Variants in FARSB observed in about 807,000 individuals in gnomAD.
FARSB encodes phenylalanine--tRNA ligase beta subunit.
Under a neutral mutation model 69.6 loss-of-function variants are expected in FARSB, and 40 were observed. That is an observed-to-expected ratio of 0.57 (90% CI 0.45 to 0.75). The LOEUF (loss-of-function observed/expected upper bound fraction) is 0.75. Ranked by LOEUF, FARSB falls within the 30% of genes least tolerant of loss-of-function variation. The pLI, the probability that FARSB is intolerant of heterozygous loss-of-function variation, is 0.00. For synonymous variants in FARSB, 235 were observed against 247.2 expected, an observed-to-expected ratio of 0.95 and a Z score of 0.46; for missense variants, 632 against 722.9, an observed-to-expected ratio of 0.87 and a Z score of 1.44.
rs1691805879 is a variant in FARSB, at chr2:222,644,780, TAAC to T, written c.115-1778_115-1776del. On this transcript the variant is annotated intron_variant, in intron 2 of 16. Coordinates refer to ENST00000281828, the MANE Select transcript of FARSB (RefSeq NM_005687.5). ...TTATAAATTAGGCACAGTAAGAGAT[TAAC>T]AACTAATAATAAAATAGAACAATTA... Among the ~76,000 whole-genome samples, 5 of 152,208 alleles carry T rather than the reference TAAC, an allele frequency of 3.3e-5. No homozygotes were observed. The Middle Eastern group carries it at 0.014, about 414-fold the overall frequency.
chr2:222,621,963 G>GC (rs1277904580), intron 13 of FARSB, among the ~76,000 whole-genome samples: 4 of 152,292 alleles, frequency 2.6e-5, no homozygotes, highest in Admixed American at 2.6e-4. Context: ...ATGTATTAAA[G>GC]TGACTTTGGA....
Position 222,571,978 on chromosome 2 carries a change from C to T in FARSB, c.1663G>A (p.Gly555Ser), listed in dbSNP as rs530056752. 6.2e-7 allele frequency: 1 copy of T among 1,613,820 alleles called. No homozygotes were observed. Among genetic ancestry groups the T allele is most frequent in the Admixed American group, 1.7e-5 (1 of 59,968 alleles). Residue 555 changes from glycine (G) to serine (S), a missense_variant, in exon 17 of 17, where the codon GGT (glycine) becomes AGT (serine). Physicochemically the swap from Gly to Ser is moderately conservative, Grantham distance 56. Transcript: ENST00000281828. ...PGRCAEIFAR[G>S]QSVGKLGVLH... ...ACCCCAAGCTTCCCGACGCTTTGAC[C>T]CCTGGCAAAGATCTCTGCACATCGC...
chr2:222,638,692 T>C (rs1691644278), intron 5 of FARSB, among the ~76,000 whole-genome samples: 1 of 152,152 alleles, frequency 6.6e-6, no homozygotes, highest in Non-Finnish European at 1.5e-5. Context: ...CCCATACACA[T>C]AAACCCCTCC....
intron 16 of FARSB, among the ~76,000 whole-genome samples, chr2:222,583,787 A>G (rs1179701990): frequency 6.6e-6 from 1 of 152,136 alleles, no homozygotes; most frequent in African/African-American, 2.4e-5. Context: ...TTCTTGTGAT[A>G]TTAAGGGAGT....
At position 222,651,753 on chromosome 2, in the gene FARSB, C is replaced by T. The variant is rs149843719; in HGVS notation, c.59-2958G>A. ...TTTAGAAGAAATACATATGCAGAAG[C>T]ATTGCCAGCTAGAATTGAAAGGGAT... is the stretch of plus-strand genomic sequence containing the variant. On this transcript the variant is annotated intron_variant, in intron 1 of 16. Transcript: ENST00000281828. Among the ~76,000 whole-genome samples the T allele has an allele frequency of 1.4e-3, 218 of 152,326 alleles. 1 individual carries two copies. Among genetic ancestry groups the T allele is most frequent in the Admixed American group, 0.012 (191 of 15,298 alleles).
At chr2:222,633,137 A>G in intron 7 of FARSB, 62 bp downstream of exon 7, 1 of 858,682 alleles carries the variant, frequency 1.2e-6, no homozygotes, top group South Asian at 1.4e-5. Flanking sequence ...TGAGAATTCT[A>G]CAGAAATGCT....
chr2:222,616,455 G>A lies in FARSB; in HGVS notation c.1345-2527C>T, dbSNP rs552220418. 4.1e-3 allele frequency among the ~76,000 whole-genome samples: 592 copies of A among 145,522 alleles called. 4 individuals are homozygous for A. Among genetic ancestry groups the A allele is most frequent in the African/African-American group, 0.014 (550 of 39,400 alleles). ...CCAGCTACTCGGGAGGCTGAGGCAG[G>A]AGAATTGCTTGAACCCAGAAGGCGG... On this transcript the variant is annotated intron_variant, in intron 14 of 16. Coordinates refer to ENST00000281828, the MANE Select transcript of FARSB (RefSeq NM_005687.5).
At chr2:222,611,457 G>C (rs876175) in intron 15 of FARSB, among the ~76,000 whole-genome samples, 8 of 128,206 alleles carry the variant, frequency 6.2e-5, no homozygotes, top group African/African-American at 2.1e-4. Flanking sequence ...GCGGGGGGGC[G>C]CGTGGGGGAG....
chr2:222,598,421 C>T (rs1350194225), intron 16 of FARSB, among the ~76,000 whole-genome samples: 4 of 152,316 alleles, frequency 2.6e-5, no homozygotes, highest in Admixed American at 2.0e-4. Context: ...AGCATCACAT[C>T]CACCACAAGC....
rs558581316 is a variant in FARSB, at chr2:222,639,500, G to A, written c.455+80C>T. 30 of 549,022 alleles carry A rather than the reference G, an allele frequency of 5.5e-5. No individual in the cohort carries two copies. In the South Asian group the frequency reaches 8.4e-4, roughly 15 times the overall value. 34.0% of individuals were successfully genotyped at this position (549,022 alleles called of 1,614,324 possible). ...GGCAGAAGTGGCAAGAGAGAAGAGG[G>A]AGAGGGATCAGGATGGAAAGGAGAT... On this transcript the variant is annotated intron_variant, in intron 5 of 16. Transcript: ENST00000281828.
chr2:222,647,884 G>T (rs183509712), intron 2 of FARSB, among the ~76,000 whole-genome samples: 1 of 152,148 alleles, frequency 6.6e-6, no homozygotes. Context: ...GTAAAACCTC[G>T]TCTCTCCTTG....
intron 10 of FARSB, among the ~76,000 whole-genome samples, chr2:222,626,815 C>T (rs1691287230): frequency 6.6e-6 from 1 of 152,124 alleles, no homozygotes. Flanking sequence ...GGGCGGATCA[C>T]AAGGTCAGGA....
At chr2:222,581,384 A>G (rs1194689168) in intron 16 of FARSB, among the ~76,000 whole-genome samples, 1 of 152,258 alleles carries the variant, frequency 6.6e-6, no homozygotes, top group African/African-American at 2.4e-5. Flanking sequence ...AAACTGGAGA[A>G]GACAGATCTC....
intron 16 of FARSB, among the ~76,000 whole-genome samples, chr2:222,595,921 C>CAT (rs143991245): frequency 0.054 from 8,031 of 149,160 alleles, 238 homozygotes; most frequent in East Asian, 0.12. Flanking sequence ...AAAGAAAAAG[C>CAT]ATATATATAT....
chr2:222,580,840 C>A (rs532871740), intron 16 of FARSB, among the ~76,000 whole-genome samples: 1 of 151,940 alleles, frequency 6.6e-6, no homozygotes, highest in African/African-American at 2.4e-5. Flanking sequence ...GAAAGGTGAG[C>A]GACAAAATAT....
At position 222,603,926 on chromosome 2, in the gene FARSB, C is replaced by A. The variant is rs150569535; in HGVS notation, c.1463-3843G>T. ...TCCACTTAATATGGTCAAAGATGTGCATTGTTGAGGCCAGGCGCGGTGGCT... is the reference window on the plus strand; with the variant it reads ...TCCACTTAATATGGTCAAAGATGTGAATTGTTGAGGCCAGGCGCGGTGGCT... On this transcript the variant is annotated intron_variant, in intron 15 of 16. Transcript: ENST00000281828. Among the ~76,000 whole-genome samples, 238 of 151,828 alleles carry A rather than the reference C, an allele frequency of 1.6e-3. 1 individual carries two copies. The highest frequency in any genetic ancestry group is 5.3e-3 in the African/African-American group (220 of 41,424).
In FARSB at chr2:222,619,753, A is replaced by T; in HGVS notation, c.1252-16T>A. On this transcript the variant is annotated splice_polypyrimidine_tract_variant and intron_variant, in intron 13 of 16. Coordinates refer to ENST00000281828, the MANE Select transcript of FARSB (RefSeq NM_005687.5). ...CTTGGGAGCACTGTGAAGTACACAC[A>T]AAACAGATTAATATGGAAAAGCAAT... The T allele has an allele frequency of 7.3e-7, 1 of 1,375,498 alleles. No individual in the cohort carries two copies. Among genetic ancestry groups the T allele is most frequent in the Non-Finnish European group, 1.0e-6 (1 of 965,778 alleles). The allele number at this position is 1,375,498 out of a possible 1,614,324, so 85.2% of individuals were successfully genotyped here.
Position 222,599,927 on chromosome 2 carries a change from C to G in FARSB, c.1618+1G>C, listed in dbSNP as rs760043036. ...CTCTGGATTCGGCTCATCTGTCTTA[C>G]CTTCTGATGCTTTGATCACATATCC... On this transcript the variant is annotated splice_donor_variant, in intron 16 of 16. Coordinates refer to ENST00000281828, the MANE Select transcript of FARSB (RefSeq NM_005687.5). LOFTEE classifies it high-confidence loss of function. The G allele has an allele frequency of 6.3e-7, 1 of 1,590,650 alleles. No individual in the cohort carries two copies. Among genetic ancestry groups the G allele is most frequent in the Non-Finnish European group, 8.5e-7 (1 of 1,173,822 alleles).
At chr2:222,588,545 CA>C (rs1416163005) in intron 16 of FARSB, among the ~76,000 whole-genome samples, 2 of 152,156 alleles carry the variant, frequency 1.3e-5, no homozygotes, top group African/African-American at 4.8e-5. Flanking sequence ...AAAGGGTATT[CA>C]ATTAGGAAAA....
Sources: gnomAD v4.1 joint callset for allele counts (sites outside exome capture counted in the v4.1 genomes callset) on GRCh38, gnomAD v4.1.1 for gene constraint, MANE v1.5 for transcripts, NCBI Gene and HGNC (gene_info 2026-07-23, HGNC 2026-07-21) for gene names.